Variants in PDZRN4 observed in about 807,000 individuals in gnomAD.
PDZRN4 encodes PDZ domain containing ring finger 4.
PDZRN4 carries 70 observed loss-of-function variants against 99.0 expected under a neutral mutation model. The ratio of observed to expected loss-of-function variants is 0.71; its 90% CI spans 0.58 to 0.86. The LOEUF is 0.86. PDZRN4 is among the 40% of genes least tolerant of loss of function. PDZRN4 has a pLI of 0.00. For synonymous variants in PDZRN4, 551 were observed against 501.6 expected (o/e 1.10, Z -1.32); for missense variants, 1,474 against 1,331.2 (o/e 1.11, Z -1.67).
chr12:41,361,910 T>C (rs1261867057), intron 3 of PDZRN4, among the ~76,000 whole-genome samples: 1 of 151,984 alleles, frequency 6.6e-6, no homozygotes, highest in Non-Finnish European at 1.5e-5. Context: ...TTAATTGTAC[T>C]CGGGGCTGAC....
At chr12:41,509,319 C>A (rs1225845965) in intron 4 of PDZRN4, among the ~76,000 whole-genome samples, 1 of 151,990 alleles carries the variant, frequency 6.6e-6, no homozygotes, top group Non-Finnish European at 1.5e-5. Context: ...GAGGAGGGGA[C>A]AATGTGAGCA....
intron 3 of PDZRN4, among the ~76,000 whole-genome samples, chr12:41,249,596 C>T (rs575183277): frequency 2.6e-5 from 4 of 152,184 alleles, no homozygotes; most frequent in South Asian, 4.2e-4. Flanking sequence ...TTGTGATGCC[C>T]GGAATACACC....
intron 3 of PDZRN4, among the ~76,000 whole-genome samples, chr12:41,203,428 G>A (rs1272937124): frequency 1.3e-5 from 2 of 152,014 alleles, no homozygotes; most frequent in Non-Finnish European, 2.9e-5. Context: ...TCCATATTTA[G>A]GAAGAATGCC....
At position 41,317,562 on chromosome 12, in the gene PDZRN4, G is replaced by A. The variant is rs148725480; in HGVS notation, c.843+123374G>A. ...AAGTTGACCCATAAAATTAACCATC[G>A]TGAGATTGTTTTTTTCCTTTGTGAA... is the stretch of plus-strand genomic sequence containing the variant. On this transcript the variant is annotated intron_variant, in intron 3 of 9. Transcript: ENST00000402685. Among the ~76,000 whole-genome samples, 602 of 152,146 alleles carry A rather than the reference G, an allele frequency of 4.0e-3. 5 individuals carry two copies. Among genetic ancestry groups the A allele is most frequent in the South Asian group, 0.022 (108 of 4,810 alleles).
intron 3 of PDZRN4, among the ~76,000 whole-genome samples, chr12:41,227,896 CA>C (rs1453848736): frequency 6.6e-6 from 1 of 151,506 alleles, no homozygotes; most frequent in Non-Finnish European, 1.5e-5. Flanking sequence ...CACACACACA[CA>C]CACACACACA....
chr12:41,419,560 A>AG (rs111440569), intron 3 of PDZRN4, among the ~76,000 whole-genome samples: 1 of 152,196 alleles, frequency 6.6e-6, no homozygotes, highest in Admixed American at 6.6e-5. Flanking sequence ...TCTTCTGGAA[A>AG]GCAGATGCAT....
intron 3 of PDZRN4, among the ~76,000 whole-genome samples, chr12:41,274,496 T>C (rs1448855088): frequency 6.6e-6 from 1 of 152,138 alleles, no homozygotes; most frequent in Non-Finnish European, 1.5e-5. Flanking sequence ...TAATGAAAGT[T>C]CCGAATTAGA....
intron 5 of PDZRN4, among the ~76,000 whole-genome samples, chr12:41,546,718 G>C (rs553214224): frequency 6.6e-6 from 1 of 152,294 alleles, no homozygotes; most frequent in East Asian, 1.9e-4. Flanking sequence ...GTGAGCCTGA[G>C]GGAATTATTG....
Position 41,373,473 on chromosome 12 carries a change from A to T in PDZRN4, c.844-132983A>T, listed in dbSNP as rs116421686. 6.0e-3 allele frequency among the ~76,000 whole-genome samples: 907 copies of T among 152,166 alleles called. 10 individuals are homozygous for T. The highest frequency in any genetic ancestry group is 0.021 in the African/African-American group (864 of 41,516). On this transcript the variant is annotated intron_variant, in intron 3 of 9. Transcript: ENST00000402685. ...ATTCTCTTTCTCAGGGATGTTCCTC[A>T]CTGAGAAAAAGAATTCAGCAATATT...
At chr12:41,561,436 G>A (rs1410430860) in intron 7 of PDZRN4, among the ~76,000 whole-genome samples, 1 of 151,646 alleles carries the variant, frequency 6.6e-6, no homozygotes, top group Non-Finnish European at 1.5e-5. Flanking sequence ...TCCTTATAAA[G>A]ACCCTCTGAG....
intron 3 of PDZRN4, among the ~76,000 whole-genome samples, chr12:41,294,296 C>A (rs1258390125): frequency 6.6e-6 from 1 of 152,126 alleles, no homozygotes; most frequent in Non-Finnish European, 1.5e-5. Context: ...CTGTTTCTCA[C>A]CTGTAAAATA....
intron 3 of PDZRN4, among the ~76,000 whole-genome samples, chr12:41,397,036 A>G (rs1040558139): frequency 3.3e-5 from 5 of 152,044 alleles, no homozygotes; most frequent in African/African-American, 9.7e-5. Context: ...TTTTTATAAT[A>G]CTTAGTTGTT....
intron 3 of PDZRN4, among the ~76,000 whole-genome samples, chr12:41,436,788 G>A (rs1429093427): frequency 6.6e-6 from 1 of 152,182 alleles, no homozygotes; most frequent in Non-Finnish European, 1.5e-5. Flanking sequence ...TCTAAGCTTA[G>A]TTTTTAAGTC....
intron 3 of PDZRN4, among the ~76,000 whole-genome samples, chr12:41,471,596 TTGA>T (rs1227439197): frequency 6.6e-6 from 1 of 150,380 alleles, no homozygotes; most frequent in Non-Finnish European, 1.5e-5. Context: ...AATAGACCAT[TTGA>T]TGATGTTAAT....
chr12:41,235,220 T>A (rs1459359067), intron 3 of PDZRN4, among the ~76,000 whole-genome samples: 1 of 152,150 alleles, frequency 6.6e-6, no homozygotes, highest in African/African-American at 2.4e-5. Flanking sequence ...GAACTCTTCA[T>A]CTTGATAGCA....
chr12:41,442,600 C>G (rs1952688468), intron 3 of PDZRN4, among the ~76,000 whole-genome samples: 1 of 152,142 alleles, frequency 6.6e-6, no homozygotes, highest in South Asian at 2.1e-4. Context: ...GGCGAAGGCC[C>G]ATATCACTCT....
chr12:41,209,397 C>T (rs938620494), intron 3 of PDZRN4, among the ~76,000 whole-genome samples: 1 of 151,444 alleles, frequency 6.6e-6, no homozygotes, highest in African/African-American at 2.4e-5. Flanking sequence ...GCACAACGTG[C>T]AGGTTTGTTA....
chr12:41,407,157 G>T (rs576680897), intron 3 of PDZRN4, among the ~76,000 whole-genome samples: 1 of 152,266 alleles, frequency 6.6e-6, no homozygotes, highest in African/African-American at 2.4e-5. Flanking sequence ...AATAGTACAA[G>T]GTTCAGCCCT....
In PDZRN4 at chr12:41,338,063, T is replaced by C. The variant is rs370614597; in HGVS notation, c.843+143875T>C. On this transcript the variant is annotated intron_variant, in intron 3 of 9. Transcript: ENST00000402685. ...TGCATGCCACTGTGCCCAACCCCTA[T>C]GTGCTGTCTTTGTAGTTGCTTGCTA... Among the ~76,000 whole-genome samples the C allele has an allele frequency of 9.7e-4, 147 of 152,248 alleles. No individual in the cohort carries two copies. In the Middle Eastern group the frequency reaches 0.02, roughly 21 times the overall value.
Sources: allele counts gnomAD v4.1 joint callset (sites outside exome capture counted in the v4.1 genomes callset), GRCh38; gene constraint gnomAD v4.1.1; transcripts MANE v1.5; gene names NCBI Gene and HGNC (gene_info 2026-07-23, HGNC 2026-07-21).